MAPK8IP3: variants seen among roughly 807,000 people sequenced by gnomAD.
The protein encoded by MAPK8IP3 is C-Jun-amino-terminal kinase-interacting protein 3.
Under a neutral mutation model 157.8 loss-of-function variants are expected in MAPK8IP3, and 49 were observed. The observed-to-expected ratio is 0.31, with a 90% CI of 0.25 to 0.39. The LOEUF (loss-of-function observed/expected upper bound fraction) is 0.39, where lower values mean the gene tolerates loss of function less well. MAPK8IP3 is among the 10% of genes least tolerant of loss of function. The pLI, the probability that MAPK8IP3 is intolerant of heterozygous loss-of-function variation, is 1.00. For synonymous variants in MAPK8IP3, 897 were observed against 777.7 expected, an observed-to-expected ratio of 1.15 and a Z score of -2.55; for missense variants, 1,478 against 1,889.4, an observed-to-expected ratio of 0.78 and a Z score of 4.04.
chr16:1,736,984 G>C (rs1462126534), intron 4 of MAPK8IP3, among the ~76,000 whole-genome samples: 1 of 76,632 alleles, frequency 1.3e-5, no homozygotes, highest in Non-Finnish European at 2.5e-5. Context: ...GTCCGTGTGA[G>C]CATCCGTGTG....
Position 1,763,750 on chromosome 16 carries a change from C to T in MAPK8IP3, c.1992C>T (p.Ala664=). The change falls in exon 17 of 32, where the codon GCC becomes GCT. Residue 664 remains alanine (A), a synonymous_variant. Transcript: ENST00000610761. ...GTAACGACGACGGCCGTCTGCAGGC[C>T]TGCGGCTGGAGCCTGCCCGCCAAGT... ...HVRNDDGRLQ[A]CGWSLPAKYK... is the part of the protein sequence containing the mutation. 1.9e-6 allele frequency: 3 copies of T among 1,585,378 alleles called. No homozygotes were observed. The highest frequency in any genetic ancestry group is 1.1e-5 in the South Asian group (1 of 88,316).
chr16:1,730,402 G>A (rs1006869385), intron 4 of MAPK8IP3, among the ~76,000 whole-genome samples: 10 of 152,144 alleles, frequency 6.6e-5, no homozygotes, highest in African/African-American at 2.2e-4. Context: ...TCAGGAGCTC[G>A]AGACTAGCTT....
intron 5 of MAPK8IP3, chr16:1,744,048 A>T: frequency 8.1e-6 from 8 of 988,978 alleles, no homozygotes; most frequent in Non-Finnish European, 9.6e-6. Context: ...TCACAGCCAG[A>T]GTGCGGGGGC....
At chr16:1,734,219 G>A (rs1196705609) in intron 4 of MAPK8IP3, among the ~76,000 whole-genome samples, 1 of 152,260 alleles carries the variant, frequency 6.6e-6, no homozygotes, top group Non-Finnish European at 1.5e-5. Context: ...AAGGCGCTGG[G>A]GCTGGCGGCC....
rs763749761 is a variant in MAPK8IP3 at position 1,768,781 on chromosome 16, G to A, written c.3971G>A (p.Arg1324His). 8.1e-6 allele frequency: 13 copies of A among 1,612,572 alleles called. No homozygotes were observed. Among genetic ancestry groups the A allele is most frequent in the African/African-American group, 1.3e-5 (1 of 74,902 alleles). The stretch of plus-strand genomic sequence containing the variant: ...AAGCCCGTGCTGTCCAAGGCAGAGC[G>A]CAGTCACATCATCGTGTGGCAGGTG... The part of the protein sequence containing the change: ...QVKPVLSKAE[R>H]SHIIVWQVSY... The change falls in exon 32 of 32, where the codon CGC (arginine) becomes CAC (histidine). Residue 1324 changes from arginine (R) to histidine (H), a missense_variant. Physicochemically the swap from Arg to His is conservative, Grantham distance 29 (BLOSUM62 0). Coordinates refer to ENST00000610761, the MANE Select transcript of MAPK8IP3 (RefSeq NM_001318852.2).
At chr16:1,723,595 C>G (rs763949489) in intron 1 of MAPK8IP3, among the ~76,000 whole-genome samples, 1 of 152,168 alleles carries the variant, frequency 6.6e-6, no homozygotes, top group Non-Finnish European at 1.5e-5. Flanking sequence ...AGTCCAGCCT[C>G]AGAGACAGAG....
chr16:1,752,528 C>G (rs775177402), intron 8 of MAPK8IP3: 5 of 347,566 alleles, frequency 1.4e-5, no homozygotes, highest in Non-Finnish European at 2.9e-5. Flanking sequence ...GGATCACCTG[C>G]GCCTAGGAGT....
chr16:1,710,408 T>C lies in MAPK8IP3; in HGVS notation c.318+3751T>C, dbSNP rs1481216978. Among the ~76,000 whole-genome samples, 1 of 152,062 alleles carries C rather than the reference T, an allele frequency of 6.6e-6. No individual in the cohort carries two copies. Among genetic ancestry groups the C allele is most frequent in the East Asian group, 1.9e-4 (1 of 5,190 alleles). ...GAATCACTTGAACCCAGGAGGCAGA[T>C]GTTGTGGTGAACCAAGATCATACCA... On this transcript the variant is annotated intron_variant, in intron 1 of 31. Transcript: ENST00000610761. The surrounding 1 kb of genome is among the most constrained non-coding windows in gnomAD (Gnocchi z 4.1).
At chr16:1,725,973 C>T (rs562505230) in intron 2 of MAPK8IP3, among the ~76,000 whole-genome samples, 117 of 152,338 alleles carry the variant, frequency 7.7e-4, no homozygotes, top group Admixed American at 2.8e-3. Context: ...CGCGAGCCAC[C>T]GCGCCTGGCC....
intron 5 of MAPK8IP3, chr16:1,745,196 C>G (rs1692322562): frequency 1.0e-6 from 1 of 984,992 alleles, no homozygotes; most frequent in Non-Finnish European, 1.2e-6. Context: ...CTGCAGAATT[C>G]CCCGCAGCCA....
Position 1,744,368 on chromosome 16 carries a change from G to A in MAPK8IP3, c.747+892G>A, listed in dbSNP as rs558520721. On this transcript the variant is annotated intron_variant, in intron 5 of 31. Coordinates refer to ENST00000610761, the MANE Select transcript of MAPK8IP3 (RefSeq NM_001318852.2). ...CTTACTTCCTGCTGCATGCTTTGCC[G>A]ACTGTCCTTCCACCTCTAAGTGTCC... The A allele has an allele frequency of 1.8e-5, 18 of 986,038 alleles. No homozygotes were observed. The African/African-American group carries it at 2.4e-4, about 13-fold the overall frequency. 61.1% of individuals were successfully genotyped at this position (986,038 alleles called of 1,614,324 possible). A position where few individuals can be genotyped will look rare whatever the true frequency, so the allele number is the denominator to read the frequency against.
In MAPK8IP3 at chr16:1,769,719, C is replaced by T. The variant is rs2042498535; in HGVS notation, c.*895C>T. ...GATCAGTCCTAGGACACAGGCTCAG[C>T]CTCAGGTTGATGGGGGATGATGTGC... On this transcript the variant is annotated 3_prime_UTR_variant, in exon 32 of 32. Coordinates refer to ENST00000610761, the MANE Select transcript of MAPK8IP3 (RefSeq NM_001318852.2). The T allele has an allele frequency of 6.5e-6, 1 of 152,776 alleles. No individual in the cohort carries two copies. The highest frequency in any genetic ancestry group is 2.4e-5 in the African/African-American group (1 of 41,458). 9.5% of individuals were successfully genotyped at this position (152,776 alleles called of 1,614,324 possible). A position where few individuals can be genotyped will look rare whatever the true frequency, so the allele number is the denominator to read the frequency against.
chr16:1,747,637 G>C (rs894269968), intron 6 of MAPK8IP3, among the ~76,000 whole-genome samples: 1 of 152,216 alleles, frequency 6.6e-6, no homozygotes, highest in Non-Finnish European at 1.5e-5. Context: ...ATGCTAGGGG[G>C]TATCTATTAA....
At chr16:1,761,166 G>T in intron 12 of MAPK8IP3, 58 bp from the exon 13 acceptor site, 1 of 1,386,778 alleles carries the variant, frequency 7.2e-7, no homozygotes, top group Non-Finnish European at 1.0e-6. Context: ...TGCCCGCTAT[G>T]TGTTCCCGAG....
Position 1,743,662 on chromosome 16 carries a change from CCT to C in MAPK8IP3, c.747+187_747+188del. The C allele has an allele frequency of 7.0e-7, 1 of 1,425,234 alleles. No homozygotes were observed. Among genetic ancestry groups the C allele is most frequent in the Non-Finnish European group, 9.1e-7 (1 of 1,097,990 alleles). 88.3% of individuals were successfully genotyped at this position (1,425,234 alleles called of 1,614,324 possible). On this transcript the variant is annotated intron_variant, in intron 5 of 31. Transcript: ENST00000610761. This position sits in a 1 kb window ranked among gnomAD's most constrained non-coding sequence, Gnocchi z 5.6. ...CAGGGGCTCAGGCTGCCCAGCAGGC[CCT>C]GTGTGGCTGTGGCTGTTCCACGCGG...
At chr16:1,719,462 G>A (rs1417952584) in intron 1 of MAPK8IP3, among the ~76,000 whole-genome samples, 1 of 152,050 alleles carries the variant, frequency 6.6e-6, no homozygotes, top group Non-Finnish European at 1.5e-5. Context: ...GATGTAAGAG[G>A]GAGAGCAGAT....
Position 1,741,091 on chromosome 16 carries a change from A to T in MAPK8IP3, c.603-2241A>T, listed in dbSNP as rs1285913939. ...GGGCCAAGGAAGGGCCCCTCTCTGC[A>T]TCAGTCGGACCTGGACTCATAGCCC... On this transcript the variant is annotated intron_variant, in intron 4 of 31. Transcript: ENST00000610761. The surrounding 1 kb of genome is among the most constrained non-coding windows in gnomAD (Gnocchi z 6.9). 6.6e-6 allele frequency among the ~76,000 whole-genome samples: 1 copy of T among 152,074 alleles called. No individual in the cohort carries two copies. The highest frequency in any genetic ancestry group is 2.4e-5 in the African/African-American group (1 of 41,402).
intron 7 of MAPK8IP3, 55 bp downstream of exon 7, chr16:1,748,401 G>C (rs1188765118): frequency 4.8e-6 from 7 of 1,456,102 alleles, no homozygotes; most frequent in Admixed American, 1.8e-5. Context: ...TATCCAAGTC[G>C]GTGTCTTTGG....
At chr16:1,745,215 G>T in intron 5 of MAPK8IP3, 2 of 981,620 alleles carry the variant, frequency 2.0e-6, no homozygotes, top group South Asian at 4.7e-5. Context: ...CACCATGAGG[G>T]TCAGGAGCAG....
Sources: allele counts gnomAD v4.1 joint callset (sites outside exome capture counted in the v4.1 genomes callset), GRCh38; gene constraint gnomAD v4.1.1; non-coding constraint Gnocchi (gnomAD v3.1); transcripts MANE v1.5; gene names NCBI Gene and HGNC (gene_info 2026-07-23, HGNC 2026-07-21).